Variants in DNM3 observed in about 807,000 individuals in gnomAD.
DNM3 encodes dynamin 3.
DNM3 carries 47 observed loss-of-function variants against 101.6 expected under a neutral mutation model. The ratio of observed to expected loss-of-function variants is 0.46; its 90% CI spans 0.37 to 0.59. The LOEUF is 0.59. DNM3 is among the 20% of genes least tolerant of loss of function. The pLI is 0.00. For missense variants in DNM3, 849 were observed against 1,085.7 expected (o/e 0.78, Z 3.06); for synonymous variants, 385 against 387.9 (o/e 0.99, Z 0.09).
intron 14 of DNM3, among the ~76,000 whole-genome samples, chr1:172,220,596 A>G (rs1378279887): frequency 1.3e-5 from 2 of 152,070 alleles, no homozygotes; most frequent in African/African-American, 2.4e-5. Flanking sequence ...GGCGGATGGG[A>G]AAGGAACAGA....
At chr1:171,897,777 A>T (rs553695907) in intron 1 of DNM3, among the ~76,000 whole-genome samples, 2 of 152,322 alleles carry the variant, frequency 1.3e-5, no homozygotes, top group East Asian at 3.9e-4. Context: ...GATTTTTCAT[A>T]CAATCTGTGT....
intron 12 of DNM3, among the ~76,000 whole-genome samples, chr1:172,085,029 T>C (rs1022510818): frequency 1.2e-4 from 19 of 152,158 alleles, no homozygotes; most frequent in Non-Finnish European, 4.4e-5. Context: ...GTGACACTTT[T>C]TTTCCATCTT....
chr1:171,872,599 A>C (rs2035395353), intron 1 of DNM3, among the ~76,000 whole-genome samples: 1 of 152,184 alleles, frequency 6.6e-6, no homozygotes, highest in Non-Finnish European at 1.5e-5. Flanking sequence ...TGAGGACACC[A>C]AGAGGATGTC....
chr1:172,012,271 T>G (rs1024785085), intron 4 of DNM3, among the ~76,000 whole-genome samples: 1 of 152,012 alleles, frequency 6.6e-6, no homozygotes, highest in African/African-American at 2.4e-5. Flanking sequence ...ATAGTTAGAT[T>G]CAGCAAAGGG....
chr1:172,133,208 A>G (rs2148094083), intron 14 of DNM3: 1 of 1,241,644 alleles, frequency 8.1e-7, no homozygotes, highest in Non-Finnish European at 1.0e-6. Flanking sequence ...AGCCCATTGG[A>G]AGGTATAGGA....
At chr1:172,231,325 G>A (rs2061328611) in intron 14 of DNM3, among the ~76,000 whole-genome samples, 3 of 152,140 alleles carry the variant, frequency 2.0e-5, no homozygotes, top group Non-Finnish European at 2.9e-5. Context: ...CTGATACCCA[G>A]GCAAACAGGG....
At position 172,131,258 on chromosome 1, in the gene DNM3, G is replaced by A. The variant is rs546901808; in HGVS notation, c.1629G>A (p.Ala543=). The A allele has an allele frequency of 2.2e-5, 35 of 1,613,108 alleles. No individual in the cohort carries two copies. The highest frequency in any genetic ancestry group is 4.0e-5 in the African/African-American group (3 of 74,946). The change falls in exon 14 of 21, where the codon GCG becomes GCA. Residue 543 remains alanine (A), a synonymous_variant. Transcript: ENST00000627582. ...GSKGYWFVLT[A]ESLSWYKDDE... ...AGGGATACTGGTTCGTCCTTACTGC[G>A]GAAAGCTTGTCCTGGTATAAAGATG...
chr1:172,306,391 A>G lies in DNM3; in HGVS notation c.1770-2337A>G, dbSNP rs552633587. The stretch of plus-strand genomic sequence containing the variant: ...ACGAAATAAAAGAGGACACAAACAA[A>G]TGGAAGAACATTCCATGTTCATGGA... On this transcript the variant is annotated intron_variant, in intron 15 of 20. Coordinates refer to ENST00000627582, the MANE Select transcript of DNM3 (RefSeq NM_015569.5). Among the ~76,000 whole-genome samples, 13 of 152,342 alleles carry G rather than the reference A, an allele frequency of 8.5e-5. No homozygotes were observed. In the East Asian group the frequency reaches 2.3e-3, roughly 27 times the overall value.
chr1:172,141,924 T>A (rs1214425928), intron 14 of DNM3, among the ~76,000 whole-genome samples: 2 of 152,062 alleles, frequency 1.3e-5, no homozygotes, highest in Non-Finnish European at 2.9e-5. Flanking sequence ...CCTTTTCCAG[T>A]TAAGAAATTG....
intron 14 of DNM3, among the ~76,000 whole-genome samples, chr1:172,215,556 C>A (rs562755502): frequency 2.0e-4 from 31 of 151,788 alleles, no homozygotes; most frequent in African/African-American, 7.0e-4. Flanking sequence ...AAATCAGAGG[C>A]AGTTAATTTT....
chr1:172,298,601 C>T (rs756933857), intron 15 of DNM3, among the ~76,000 whole-genome samples: 1 of 152,104 alleles, frequency 6.6e-6, no homozygotes, highest in Non-Finnish European at 1.5e-5. Context: ...ACCTGAGTAC[C>T]ACTCCCAATA....
chr1:172,047,154 T>C (rs193223771), intron 9 of DNM3, among the ~76,000 whole-genome samples: 72 of 152,260 alleles, frequency 4.7e-4, no homozygotes, highest in African/African-American at 1.7e-3. Flanking sequence ...ATTTGAATAG[T>C]AGAAGCCCTC....
intron 10 of DNM3, among the ~76,000 whole-genome samples, chr1:172,051,803 TA>T (rs1193637404): frequency 1.3e-5 from 2 of 152,290 alleles, no homozygotes; most frequent in Non-Finnish European, 2.9e-5. Context: ...CATCCATCAT[TA>T]GTTTTTTTAT....
At chr1:172,349,449 T>C (rs549315956) in intron 17 of DNM3, among the ~76,000 whole-genome samples, 2 of 152,188 alleles carry the variant, frequency 1.3e-5, no homozygotes, top group African/African-American at 4.8e-5. Flanking sequence ...GCTTTTATAG[T>C]CAGAGGGAAT....
chr1:172,234,209 C>T (rs2061446671), intron 14 of DNM3, among the ~76,000 whole-genome samples: 1 of 152,154 alleles, frequency 6.6e-6, no homozygotes, highest in Admixed American at 6.6e-5. Flanking sequence ...GATATAAAAT[C>T]AATGTGCAAA....
intron 14 of DNM3, among the ~76,000 whole-genome samples, chr1:172,223,804 C>G (rs2061001836): frequency 6.6e-6 from 1 of 152,200 alleles, no homozygotes; most frequent in Non-Finnish European, 1.5e-5. Flanking sequence ...CTGTCTACTT[C>G]TGGCCATTCT....
At chr1:172,230,040 T>G (rs1433890167) in intron 14 of DNM3, among the ~76,000 whole-genome samples, 1 of 152,198 alleles carries the variant, frequency 6.6e-6, no homozygotes, top group Non-Finnish European at 1.5e-5. Flanking sequence ...TTTAATTCTT[T>G]CACTAGGGGA....
chr1:172,083,722 G>T (rs963171126), intron 12 of DNM3, among the ~76,000 whole-genome samples: 7 of 151,948 alleles, frequency 4.6e-5, no homozygotes, highest in Non-Finnish European at 1.0e-4. Flanking sequence ...TATGATAAAT[G>T]AGCTAGAGTT....
intron 14 of DNM3, among the ~76,000 whole-genome samples, chr1:172,235,717 C>T (rs907845422): frequency 2.1e-4 from 32 of 152,118 alleles, no homozygotes; most frequent in Admixed American, 9.8e-4. Flanking sequence ...AAGCTGGAAA[C>T]CATCATTCTC....
Sources: allele counts gnomAD v4.1 joint callset (sites outside exome capture counted in the v4.1 genomes callset), GRCh38; gene constraint gnomAD v4.1.1; transcripts MANE v1.5; gene names NCBI Gene and HGNC (gene_info 2026-07-23, HGNC 2026-07-21).